Variants in BEST4 observed in about 807,000 individuals in gnomAD.
The protein encoded by BEST4 is bestrophin-4.
In BEST4, 36 loss-of-function variants were observed where a neutral mutation model predicts 47.1. That is an observed-to-expected ratio of 0.76 (90% CI 0.59 to 1.01). The LOEUF (loss-of-function observed/expected upper bound fraction) is 1.01. Among genes scored for constraint, BEST4 ranks in the 50% least tolerant of loss-of-function variants. The pLI is 0.00. For synonymous variants in BEST4, 250 were observed against 277.8 expected (o/e 0.90, Z 1.00); for missense variants, 550 against 648.6 (o/e 0.85, Z 1.65).
chr1:44,787,567 T>TA lies in BEST4; in HGVS notation c.138dup (p.Ser47Ter). The TA allele has an allele frequency of 6.2e-7, 1 of 1,614,198 alleles. No individual in the cohort carries two copies. Among genetic ancestry groups the TA allele is most frequent in the Non-Finnish European group, 8.5e-7 (1 of 1,180,028 alleles). On this transcript the variant is annotated frameshift_variant, in exon 1 of 9. Transcript: ENST00000372207. LOFTEE classifies it high-confidence loss of function. ...CCCTGCCCTTACCGGTAGGTGATGC[T>TA]AAGCACAGCGTACAAGGCCCCAAAG...
At chr1:44,788,311 T>C (rs1651318706), upstream of BEST4, among the ~76,000 whole-genome samples, 1 of 152,198 alleles carries the variant, frequency 6.6e-6, no homozygotes, top group Non-Finnish European at 1.5e-5. Flanking sequence ...CTTACCCCTG[T>C]AGGGTTGGGC....
At chr1:44,791,394 C>G (rs1387683400), upstream of BEST4, among the ~76,000 whole-genome samples, 1 of 152,078 alleles carries the variant, frequency 6.6e-6, no homozygotes, top group Non-Finnish European at 1.5e-5. Context: ...TAAAGATGTT[C>G]TAGGACTTGG....
At chr1:44,791,072 C>T (rs1293480889), upstream of BEST4, among the ~76,000 whole-genome samples, 1 of 151,918 alleles carries the variant, frequency 6.6e-6, no homozygotes, top group Non-Finnish European at 1.5e-5. Context: ...AGATGAAAGA[C>T]ATCTGGTCCC....
chr1:44,784,583 G>A lies in BEST4; in HGVS notation c.1148+46C>T, dbSNP rs755452954. The A allele has an allele frequency of 1.5e-5, 24 of 1,580,434 alleles. No individual in the cohort carries two copies. Among genetic ancestry groups the A allele is most frequent in the Admixed American group, 1.9e-5 (1 of 53,804 alleles). On this transcript the variant is annotated intron_variant, in intron 8 of 8. Coordinates refer to ENST00000372207, the MANE Select transcript of BEST4 (RefSeq NM_153274.3). This position sits in a 1 kb window ranked among gnomAD's most constrained non-coding sequence, Gnocchi z 6.2. ...CCGAGGCATCGGTGCCCCAGAGGCT[G>A]AGCGAGGACCCGCGTGCCGGGTCAG...
At chr1:44,789,242 CAAA>C (rs778437528), upstream of BEST4, among the ~76,000 whole-genome samples, 3 of 61,506 alleles carry the variant, frequency 4.9e-5, no homozygotes, top group Non-Finnish European at 5.8e-5. Context: ...CCTGGGTAAT[CAAA>C]AAAAAAAAAA....
chr1:44,782,512 C>T (rs1393143516), downstream of BEST4, among the ~76,000 whole-genome samples: 1 of 151,956 alleles, frequency 6.6e-6, no homozygotes, highest in Non-Finnish European at 1.5e-5. Flanking sequence ...CACCTGTAAT[C>T]CCAGCTACTC....
chr1:44,785,684 A>G lies in BEST4; in HGVS notation c.637-8T>C. On this transcript the variant is annotated splice_region_variant and splice_polypyrimidine_tract_variant and intron_variant, in intron 4 of 8. Transcript: ENST00000372207. ...TCGGTACTTGTTCAGCTCCTGGGGG[A>G]ACAGCAGGAACAGGAAGTCAGCAGA... 12 of 1,551,300 alleles carry G rather than the reference A, an allele frequency of 7.7e-6. No homozygotes were observed. Among genetic ancestry groups the G allele is most frequent in the Non-Finnish European group, 7.9e-6 (9 of 1,146,460 alleles).
downstream of BEST4, among the ~76,000 whole-genome samples, chr1:44,782,957 CTT>C (rs529146408): frequency 4.1e-5 from 6 of 145,934 alleles, no homozygotes; most frequent in Admixed American, 6.9e-5. Flanking sequence ...TTCCAGAAGA[CTT>C]TTTTTTTTTT....
At chr1:44,782,235 G>GA (rs66802601), downstream of BEST4, among the ~76,000 whole-genome samples, 3,441 of 127,814 alleles carry the variant, frequency 0.027, 41 homozygotes, top group Admixed American at 0.052. Context: ...AAAAGCTGCA[G>GA]AAAAAAAAAA....
chr1:44,789,138 C>T (rs1009792069), upstream of BEST4, among the ~76,000 whole-genome samples: 1 of 151,156 alleles, frequency 6.6e-6, no homozygotes, highest in Non-Finnish European at 1.5e-5. Context: ...AACTTGTAAT[C>T]CCAGCAGGTA....
chr1:44,784,322 G>A lies in BEST4; in HGVS notation c.1310C>T (p.Pro437Leu). The part of the protein sequence containing the change: ...LRNFGRVRGT[P>L]RPPHLLRFRA... ...GAAGCGCAGCAGATGCGGGGGGCGG[G>A]GGGTGCCTCGCACGCGGCCGAAGTT... is the stretch of plus-strand genomic sequence containing the variant. The change falls in exon 9 of 9, where the codon CCC (proline) becomes CTC (leucine). Residue 437 changes from proline to leucine, a missense_variant. Coordinates refer to ENST00000372207, the MANE Select transcript of BEST4 (RefSeq NM_153274.3). This position sits in a 1 kb window ranked among gnomAD's most constrained non-coding sequence, Gnocchi z 6.2. 1 of 1,396,140 alleles carries A rather than the reference G, an allele frequency of 7.2e-7. No individual in the cohort carries two copies. The highest frequency in any genetic ancestry group is 9.2e-7 in the Non-Finnish European group (1 of 1,085,534). 86.5% of individuals were successfully genotyped at this position (1,396,140 alleles called of 1,614,324 possible). A position where few individuals can be genotyped will look rare whatever the true frequency, so the allele number is the denominator to read the frequency against.
At position 44,785,163 on chromosome 1, in the gene BEST4, A is replaced by T; in HGVS notation, c.857T>A (p.Met286Lys). Residue 286 changes from methionine to lysine, a missense_variant, in exon 6 of 9, where the codon ATG becomes AAG. Coordinates refer to ENST00000372207, the MANE Select transcript of BEST4 (RefSeq NM_153274.3). ...EPAPALGDPD[M>K]YVPLTTLLQF... Reference sequence around the variant, plus strand: ...CAGCAGAGTGGTGAGAGGCACGTACATGTCCGGGTCTCCCAGGGCTGGGGC... The same window carrying T: ...CAGCAGAGTGGTGAGAGGCACGTACTTGTCCGGGTCTCCCAGGGCTGGGGC... The T allele has an allele frequency of 1.2e-6, 2 of 1,614,066 alleles. No individual in the cohort carries two copies. Among genetic ancestry groups the T allele is most frequent in the Non-Finnish European group, 1.7e-6 (2 of 1,180,020 alleles).
chr1:44,784,893 A>G lies in BEST4; in HGVS notation c.993+12T>C. On this transcript the variant is annotated intron_variant, in intron 7 of 8. Coordinates refer to ENST00000372207, the MANE Select transcript of BEST4 (RefSeq NM_153274.3). This position sits in a 1 kb window ranked among gnomAD's most constrained non-coding sequence, Gnocchi z 6.2. ...GAGCTGCCCTGGACTCCTGATCCTG[A>G]TGCTTGCTCACCTGCAAGTTGCGGT... The G allele has an allele frequency of 1.2e-6, 2 of 1,614,018 alleles. No individual in the cohort carries two copies. The highest frequency in any genetic ancestry group is 1.7e-5 in the Admixed American group (1 of 60,012).
Position 44,787,640 on chromosome 1 carries a change from G to T in BEST4, c.66C>A (p.Leu22=). The T allele has an allele frequency of 6.2e-7, 1 of 1,614,232 alleles. No homozygotes were observed. The highest frequency in any genetic ancestry group is 1.1e-5 in the South Asian group (1 of 91,090). The change falls in exon 1 of 9, where the codon CTC becomes CTA. Residue 22 remains leucine (L), a synonymous_variant. Coordinates refer to ENST00000372207, the MANE Select transcript of BEST4 (RefSeq NM_153274.3). The part of the protein sequence containing the change: ...ARFGGFSGLL[L]RWRGSIYKLL... ...GCTTGTAGATGCTTCCCCTCCAGCG[G>T]AGAAGCAGGCCAGAGAAACCTCCGA...
At chr1:44,783,040 C>T (rs1259632452), downstream of BEST4, among the ~76,000 whole-genome samples, 5 of 152,000 alleles carry the variant, frequency 3.3e-5, no homozygotes, top group Non-Finnish European at 5.9e-5. Flanking sequence ...CTGCAACCTC[C>T]GCTTCCCAGA....
chr1:44,784,225 C>A lies in BEST4; in HGVS notation c.1407G>T (p.Glu469Asp). 1 of 1,446,940 alleles carries A rather than the reference C, an allele frequency of 6.9e-7. No homozygotes were observed. The allele number at this position is 1,446,940 out of a possible 1,614,324, so 89.6% of individuals were successfully genotyped here. The change falls in exon 9 of 9, where the codon GAG becomes GAT. Residue 469 changes from glutamate (E) to aspartate (D), a missense_variant. Around this residue, in one of 3 missense-constraint regions of BEST4, gnomAD observed 255 missense variants for 286.6 expected, o/e 0.89. Coordinates refer to ENST00000372207, the MANE Select transcript of BEST4 (RefSeq NM_153274.3). This position sits in a 1 kb window ranked among gnomAD's most constrained non-coding sequence, Gnocchi z 6.2. ...IEEESAESGD[E>D]ALEP Reference sequence around the variant, plus strand: ...AGGCGAGACCTCAGGGCTCCAGGGCCTCGTCCCCGGACTCCGCCGATTCCT... The same window carrying A: ...AGGCGAGACCTCAGGGCTCCAGGGCATCGTCCCCGGACTCCGCCGATTCCT...
Position 44,787,797 on chromosome 1 carries a change from C to T in BEST4, c.-92G>A. ...CAACCTCCCTTCCACTCTGGTCTCA[C>T]ACACCCCAGCCTTCACCCTGCGTCA... On this transcript the variant is annotated 5_prime_UTR_variant, in exon 1 of 9. It adds an upstream start codon to the 5' untranslated region. Coordinates refer to ENST00000372207, the MANE Select transcript of BEST4 (RefSeq NM_153274.3). 6.7e-7 allele frequency: 1 copy of T among 1,481,804 alleles called. No homozygotes were observed. Among genetic ancestry groups the T allele is most frequent in the Non-Finnish European group, 9.3e-7 (1 of 1,080,966 alleles). 91.8% of individuals were successfully genotyped at this position (1,481,804 alleles called of 1,614,324 possible). A position where few individuals can be genotyped will look rare whatever the true frequency, so the allele number is the denominator to read the frequency against.
chr1:44,788,626 G>A (rs1042383425), upstream of BEST4, among the ~76,000 whole-genome samples: 17 of 152,186 alleles, frequency 1.1e-4, no homozygotes, highest in Non-Finnish European at 2.9e-5. Context: ...CTTGCCCGCC[G>A]TCGGCCATAC....
downstream of BEST4, among the ~76,000 whole-genome samples, chr1:44,783,250 C>G (rs4542248): frequency 0.43 from 64,810 of 152,120 alleles, 14,375 homozygotes; most frequent in African/African-American, 0.55. Context: ...CCACTGTGCC[C>G]AGCCACAGAA....
Sources: allele counts gnomAD v4.1 joint callset (sites outside exome capture counted in the v4.1 genomes callset), GRCh38; gene constraint gnomAD v4.1.1; regional missense constraint gnomAD v4.1.1; non-coding constraint Gnocchi (gnomAD v3.1); transcripts MANE v1.5; gene names NCBI Gene and HGNC (gene_info 2026-07-23, HGNC 2026-07-21).